TIMMDC1: variants seen among roughly 807,000 people sequenced by gnomAD.
TIMMDC1 encodes complex I assembly factor TIMMDC1, mitochondrial.
A neutral mutation model predicts 32.6 loss-of-function variants in TIMMDC1; 25 were observed. The ratio of observed to expected loss-of-function variants is 0.77; its 90% CI spans 0.56 to 1.07. The LOEUF is 1.07. Ranked by LOEUF, TIMMDC1 falls within the 50% of genes least tolerant of loss-of-function variation. The pLI is 0.00. For synonymous variants in TIMMDC1, 130 were observed against 127.6 expected (o/e 1.02, Z -0.13); for missense variants, 329 against 349.2 (o/e 0.94, Z 0.46).
chr3:119,501,206 A>G (rs569479208), intron 2 of TIMMDC1, among the ~76,000 whole-genome samples: 97 of 152,360 alleles, frequency 6.4e-4, no homozygotes, highest in African/African-American at 2.3e-3. Flanking sequence ...CACTAAAGCA[A>G]TAGTTAACAT....
In TIMMDC1 at chr3:119,513,632, T is replaced by A; in HGVS notation, c.518-9T>A. On this transcript the variant is annotated splice_polypyrimidine_tract_variant and intron_variant, in intron 4 of 6. Transcript: ENST00000494664. ...ATGATTTAATATTGCCTTTCTTGTTTTTAAATAGCTGTCACGGGAAGTCTT... is the reference window on the plus strand; with the variant it reads ...ATGATTTAATATTGCCTTTCTTGTTATTAAATAGCTGTCACGGGAAGTCTT... 1 of 1,608,370 alleles carries A rather than the reference T, an allele frequency of 6.2e-7. No individual in the cohort carries two copies. Among genetic ancestry groups the A allele is most frequent in the Non-Finnish European group, 8.5e-7 (1 of 1,174,964 alleles).
At chr3:119,516,041 C>T (rs560616383) in intron 5 of TIMMDC1, among the ~76,000 whole-genome samples, 1 of 152,056 alleles carries the variant, frequency 6.6e-6, no homozygotes, top group African/African-American at 2.4e-5. Flanking sequence ...TGTTAATATA[C>T]CAGTTTGGTT....
chr3:119,499,084 TTTTC>T (rs1237567103), intron 1 of TIMMDC1, 157 bp downstream of exon 1: 130 of 607,770 alleles, frequency 2.1e-4, no homozygotes, highest in Admixed American at 8.1e-4. Context: ...CTTGTATCTT[TTTTC>T]TTTCTTTTTT....
intron 4 of TIMMDC1, among the ~76,000 whole-genome samples, chr3:119,512,439 C>A (rs183490844): frequency 6.6e-6 from 1 of 151,980 alleles, no homozygotes; most frequent in Non-Finnish European, 1.5e-5. Context: ...CCGCCATGCC[C>A]GGCTAATTTT....
chr3:119,516,403 C>A (rs1577101398), intron 5 of TIMMDC1, among the ~76,000 whole-genome samples: 1 of 152,242 alleles, frequency 6.6e-6, no homozygotes, highest in Non-Finnish European at 1.5e-5. Context: ...TGAAGTTTAT[C>A]TATGTTGTAA....
chr3:119,523,844 C>T lies in TIMMDC1; in HGVS notation c.*88C>T. The T allele has an allele frequency of 3.0e-6, 4 of 1,345,106 alleles. No homozygotes were observed. Among genetic ancestry groups the T allele is most frequent in the Non-Finnish European group, 3.9e-6 (4 of 1,015,752 alleles). 83.3% of individuals were successfully genotyped at this position (1,345,106 alleles called of 1,614,324 possible). A position where few individuals can be genotyped will look rare whatever the true frequency, so the allele number is the denominator to read the frequency against. ...AACAGACAGGCCACTCTTTGGTCAG[C>T]CTGCTGACAAATTTAAGTGCTGGTA... On this transcript the variant is annotated 3_prime_UTR_variant, in exon 7 of 7. Coordinates refer to ENST00000494664, the MANE Select transcript of TIMMDC1 (RefSeq NM_016589.4).
Position 119,523,975 on chromosome 3 carries a change from T to A in TIMMDC1, c.*219T>A, listed in dbSNP as rs565697339. The A allele has an allele frequency of 3.7e-5, 15 of 402,236 alleles. No individual in the cohort carries two copies. The highest frequency in any genetic ancestry group is 3.0e-4 in the African/African-American group (15 of 49,444). 24.9% of individuals were successfully genotyped at this position (402,236 alleles called of 1,614,324 possible). A position where few individuals can be genotyped will look rare whatever the true frequency, so the allele number is the denominator to read the frequency against. On this transcript the variant is annotated 3_prime_UTR_variant, in exon 7 of 7. Coordinates refer to ENST00000494664, the MANE Select transcript of TIMMDC1 (RefSeq NM_016589.4). ...ATCCTTAAATTTAAATACATACTTA[T>A]GTTTGTATTAATCTATCAATATATG...
rs1006748314 is a variant in TIMMDC1, at chr3:119,498,937, C to T, written c.194+10C>T. ...AGCTGTTTGGCAAAGAGTAAAAGTG[C>T]CTAGGGTGTGAAGTGGGGTAGGGGG... On this transcript the variant is annotated intron_variant, in intron 1 of 6. Transcript: ENST00000494664. 6.0e-5 allele frequency: 96 copies of T among 1,613,384 alleles called. No homozygotes were observed. The highest frequency in any genetic ancestry group is 8.0e-5 in the Non-Finnish European group (94 of 1,179,582).
chr3:119,518,067 G>A (rs61127869), intron 6 of TIMMDC1, among the ~76,000 whole-genome samples: 7,185 of 151,788 alleles, frequency 0.047, 524 homozygotes, highest in African/African-American at 0.16. Flanking sequence ...TAGATGCAGA[G>A]GAATTAGGTG....
Position 119,523,630 on chromosome 3 carries a change from G to C in TIMMDC1, c.732G>C (p.Glu244Asp). The C allele has an allele frequency of 6.2e-7, 1 of 1,610,540 alleles. No individual in the cohort carries two copies. The highest frequency in any genetic ancestry group is 8.5e-7 in the Non-Finnish European group (1 of 1,178,612). ...EEWKGRLQVTEHLPEKIESSL... is the reference protein window; with the variant it reads ...EEWKGRLQVTDHLPEKIESSL... Reference sequence around the variant, plus strand: ...GGAAAGGCAGACTACAAGTTACTGAGCACCTCCCTGAGAAAATTGAAAGTA... The same window carrying C: ...GGAAAGGCAGACTACAAGTTACTGACCACCTCCCTGAGAAAATTGAAAGTA... The change falls in exon 7 of 7, where the codon GAG becomes GAC. Residue 244 changes from glutamate (E) to aspartate (D), a missense_variant. Transcript: ENST00000494664.
chr3:119,508,709 A>G (rs916675830), intron 4 of TIMMDC1, among the ~76,000 whole-genome samples: 8 of 152,186 alleles, frequency 5.3e-5, no homozygotes, highest in African/African-American at 1.7e-4. Flanking sequence ...CAGGTTCTCA[A>G]GTCATTTTGG....
intron 2 of TIMMDC1, among the ~76,000 whole-genome samples, chr3:119,502,099 A>G (rs1444663476): frequency 6.6e-6 from 1 of 152,234 alleles, no homozygotes; most frequent in African/African-American, 2.4e-5. Context: ...CTTTGAGACT[A>G]TGTAAATATC....
chr3:119,517,063 A>G, intron 5 of TIMMDC1, 142 bp from the exon 6 acceptor site: 1 of 491,254 alleles, frequency 2.0e-6, no homozygotes, highest in Non-Finnish European at 3.6e-6. Context: ...TTATTTGACA[A>G]GGACACTTTA....
At chr3:119,498,957 A>C in intron 1 of TIMMDC1, 30 bp downstream of exon 1, 1 of 1,607,304 alleles carries the variant, frequency 6.2e-7, no homozygotes, top group Non-Finnish European at 8.5e-7. Context: ...GAAGTGGGGT[A>C]GGGGGCCGCG....
intron 4 of TIMMDC1, among the ~76,000 whole-genome samples, chr3:119,505,384 A>G (rs1247087783): frequency 6.7e-6 from 1 of 150,320 alleles, no homozygotes; most frequent in Non-Finnish European, 1.5e-5. Context: ...TTTTTTTGAG[A>G]TGGAGTTTTG....
intron 1 of TIMMDC1, among the ~76,000 whole-genome samples, chr3:119,499,978 A>G (rs1401800703): frequency 6.6e-6 from 1 of 152,152 alleles, no homozygotes; most frequent in Non-Finnish European, 1.5e-5. Flanking sequence ...GATCTTTGCT[A>G]TGTTGCTATG....
chr3:119,498,955 G>C (rs377090337), intron 1 of TIMMDC1, 28 bp downstream of exon 1: 27 of 1,607,646 alleles, frequency 1.7e-5, no homozygotes, highest in Admixed American at 1.2e-4. Flanking sequence ...GTGAAGTGGG[G>C]TAGGGGGCCG....
chr3:119,498,953 G>A lies in TIMMDC1; in HGVS notation c.194+26G>A. On this transcript the variant is annotated intron_variant, in intron 1 of 6. Coordinates refer to ENST00000494664, the MANE Select transcript of TIMMDC1 (RefSeq NM_016589.4). Reference sequence around the variant, plus strand: ...GTAAAAGTGCCTAGGGTGTGAAGTGGGGTAGGGGGCCGCGAAAGCGGTGTC... The same window carrying A: ...GTAAAAGTGCCTAGGGTGTGAAGTGAGGTAGGGGGCCGCGAAAGCGGTGTC... 1 of 1,609,414 alleles carries A rather than the reference G, an allele frequency of 6.2e-7. No homozygotes were observed. Among genetic ancestry groups the A allele is most frequent in the Non-Finnish European group, 8.5e-7 (1 of 1,176,932 alleles).
intron 1 of TIMMDC1, 115 bp from the exon 2 acceptor site, chr3:119,500,580 C>T: frequency 1.1e-6 from 1 of 885,778 alleles, no homozygotes; most frequent in Non-Finnish European, 1.7e-6. Context: ...GAGAATTCTA[C>T]CTATGATGAA....
Sources: gnomAD v4.1 joint callset for allele counts (sites outside exome capture counted in the v4.1 genomes callset) on GRCh38, gnomAD v4.1.1 for gene constraint, MANE v1.5 for transcripts, NCBI Gene and HGNC (gene_info 2026-07-23, HGNC 2026-07-21) for gene names.